The following GAS6 variants were observed in gnomAD, a reference collection of about 807,000 sequenced individuals.
The protein encoded by GAS6 is growth arrest-specific protein 6.
In GAS6, 41 loss-of-function variants were observed where a neutral mutation model predicts 75.8. That is an observed-to-expected ratio of 0.54 (90% confidence interval 0.42 to 0.70). GAS6 has a LOEUF of 0.70. Among genes scored for constraint, GAS6 ranks in the 30% least tolerant of loss-of-function variants. GAS6 has a pLI of 0.00. For synonymous variants in GAS6, 432 were observed against 412.6 expected (o/e 1.05, Z -0.57); for missense variants, 854 against 940.2 (o/e 0.91, Z 1.20).
chr13:113,823,178 C>T (rs1042123101), intron 13 of GAS6, 197 bp downstream of exon 13: 17 of 565,308 alleles, frequency 3.0e-5, no homozygotes, highest in African/African-American at 2.5e-4. Context: ...AGCTGTGTGG[C>T]GGTGACCTGG....
rs992536589 is a variant in GAS6 at position 113,848,559 on chromosome 13, G to C, written c.256-509C>G. 6.6e-6 allele frequency among the ~76,000 whole-genome samples: 1 copy of C among 152,108 alleles called. No homozygotes were observed. The highest frequency in any genetic ancestry group is 2.4e-5 in the African/African-American group (1 of 41,384). Reference sequence around the variant, plus strand: ...CCACATTCGACACAAGTGAGCTGTCGAGTCCTGGAACCACCTGCCTGTCAC... The same window carrying C: ...CCACATTCGACACAAGTGAGCTGTCCAGTCCTGGAACCACCTGCCTGTCAC... On this transcript the variant is annotated intron_variant, in intron 2 of 14. Coordinates refer to ENST00000327773, the MANE Select transcript of GAS6 (RefSeq NM_000820.4). The surrounding 1 kb of genome is among the most constrained non-coding windows in gnomAD (Gnocchi z 4.8).
At chr13:113,846,324 A>C (rs1400303566) in intron 4 of GAS6, among the ~76,000 whole-genome samples, 1 of 152,242 alleles carries the variant, frequency 6.6e-6, no homozygotes, top group African/African-American at 2.4e-5. Flanking sequence ...ATTTTGTTCC[A>C]TGTGCATTTA....
chr13:113,821,921 C>T (rs1436597205), intron 14 of GAS6, 37 bp downstream of exon 14: 1 of 1,470,820 alleles, frequency 6.8e-7, no homozygotes, highest in South Asian at 1.3e-5. Context: ...CTCCCTGGAG[C>T]TCTTCACCCG....
At position 113,835,536 on chromosome 13, in the gene GAS6, C is replaced by T; in HGVS notation, c.689G>A (p.Ser230Asn). 1 of 1,612,618 alleles carries T rather than the reference C, an allele frequency of 6.2e-7. No individual in the cohort carries two copies. Among genetic ancestry groups the T allele is most frequent in the Non-Finnish European group, 8.5e-7 (1 of 1,179,874 alleles). ...ACCTCGGCAAGCCTTCTCCTGGGAGCTGTACGCAAAGCCCTCGTCACAGAG... is the reference window on the plus strand; with the variant it reads ...ACCTCGGCAAGCCTTCTCCTGGGAGTTGTACGCAAAGCCCTCGTCACAGAG... ...SCLCDEGFAYSSQEKACRDVD... is the reference protein window; with the variant it reads ...SCLCDEGFAYNSQEKACRDVD... The change falls in exon 7 of 15, where the codon AGC becomes AAC. Residue 230 changes from serine to asparagine, a missense_variant. Coordinates refer to ENST00000327773, the MANE Select transcript of GAS6 (RefSeq NM_000820.4).
At chr13:113,856,907 A>C (rs1312444283) in intron 2 of GAS6, among the ~76,000 whole-genome samples, 2 of 152,214 alleles carry the variant, frequency 1.3e-5, no homozygotes, top group Non-Finnish European at 2.9e-5. Context: ...GCCTTACTGT[A>C]CTGTGGACAG....
chr13:113,853,460 T>G (rs1175654290), intron 2 of GAS6, among the ~76,000 whole-genome samples: 1 of 152,248 alleles, frequency 6.6e-6, no homozygotes, highest in Non-Finnish European at 1.5e-5. Flanking sequence ...TGCATAAATC[T>G]TTTTGTGTGA....
At chr13:113,834,170 G>A (rs919748643) in intron 8 of GAS6, among the ~76,000 whole-genome samples, 1 of 150,572 alleles carries the variant, frequency 6.6e-6, no homozygotes, top group African/African-American at 2.5e-5. Flanking sequence ...CGGTGTGACA[G>A]GTAGGTCATG....
rs935912797 is a variant in GAS6 at position 113,837,840 on chromosome 13, G to A, written c.589+229C>T. Among the ~76,000 whole-genome samples, 1 of 152,148 alleles carries A rather than the reference G, an allele frequency of 6.6e-6. No individual in the cohort carries two copies. Among genetic ancestry groups the A allele is most frequent in the African/African-American group, 2.4e-5 (1 of 41,434 alleles). Reference sequence around the variant, plus strand: ...GCAGTGTGGCCTCATGGGCTGGGCCGGCCCCCTGAGTCCTGGCCCTCAGAT... The same window carrying A: ...GCAGTGTGGCCTCATGGGCTGGGCCAGCCCCCTGAGTCCTGGCCCTCAGAT... On this transcript the variant is annotated intron_variant, in intron 6 of 14. Coordinates refer to ENST00000327773, the MANE Select transcript of GAS6 (RefSeq NM_000820.4). This position sits in a 1 kb window ranked among gnomAD's most constrained non-coding sequence, Gnocchi z 5.1.
chr13:113,825,415 C>T (rs552388110), intron 12 of GAS6, among the ~76,000 whole-genome samples: 38 of 152,170 alleles, frequency 2.5e-4, no homozygotes, highest in Admixed American at 6.5e-4. Context: ...CCAGCAGAGT[C>T]GCTGCAGAGT....
chr13:113,842,850 T>C, intron 4 of GAS6: 1 of 396,972 alleles, frequency 2.5e-6, no homozygotes, highest in Non-Finnish European at 4.4e-6. Context: ...GGTCTTGACT[T>C]TGCCTGGAAT....
intron 2 of GAS6, among the ~76,000 whole-genome samples, chr13:113,850,514 G>A (rs1051105770): frequency 6.6e-6 from 1 of 152,246 alleles, no homozygotes; most frequent in South Asian, 2.1e-4. Flanking sequence ...CTTTCCCCGG[G>A]GATCTGCTTC....
Position 113,820,789 on chromosome 13 carries a change from C to A in GAS6, c.*75G>T. 1 of 1,493,156 alleles carries A rather than the reference C, an allele frequency of 6.7e-7. No individual in the cohort carries two copies. Among genetic ancestry groups the A allele is most frequent in the Admixed American group, 2.0e-5 (1 of 50,866 alleles). The allele number at this position is 1,493,156 out of a possible 1,614,324, so 92.5% of individuals were successfully genotyped here. On this transcript the variant is annotated 3_prime_UTR_variant, in exon 15 of 15. Coordinates refer to ENST00000327773, the MANE Select transcript of GAS6 (RefSeq NM_000820.4). ...AAGCCCAGCTCTCAGCATGGCCCCA[C>A]GTGGTGAGGAGCCCCCAGGCTCCTC...
chr13:113,839,578 G>A lies in GAS6; in HGVS notation c.466+150C>T, dbSNP rs374463990. The A allele has an allele frequency of 1.1e-4, 110 of 963,002 alleles. No individual in the cohort carries two copies. In the African/African-American group the frequency reaches 1.7e-3, roughly 15 times the overall value. The allele number at this position is 963,002 out of a possible 1,614,324, so 59.7% of individuals were successfully genotyped here. A position where few individuals can be genotyped will look rare whatever the true frequency, so the allele number is the denominator to read the frequency against. ...CTGCAGCTCCTCCCAATTCTCCTGGGGCTCCAGGATACCTCAGGGCTGCAG... is the reference window on the plus strand; with the variant it reads ...CTGCAGCTCCTCCCAATTCTCCTGGAGCTCCAGGATACCTCAGGGCTGCAG... On this transcript the variant is annotated intron_variant, in intron 5 of 14. Transcript: ENST00000327773.
Position 113,863,763 on chromosome 13 carries a change from G to T in GAS6, c.89-22C>A. 1 of 1,470,078 alleles carries T rather than the reference G, an allele frequency of 6.8e-7. No individual in the cohort carries two copies. Among genetic ancestry groups the T allele is most frequent in the Non-Finnish European group, 8.9e-7 (1 of 1,118,396 alleles). The allele number at this position is 1,470,078 out of a possible 1,614,324, so 91.1% of individuals were successfully genotyped here. A position where few individuals can be genotyped will look rare whatever the true frequency, so the allele number is the denominator to read the frequency against. On this transcript the variant is annotated intron_variant, in intron 1 of 14. Transcript: ENST00000327773. This position sits in a 1 kb window ranked among gnomAD's most constrained non-coding sequence, Gnocchi z 9.4. Reference sequence around the variant, plus strand: ...GCGGCTGCCCGGAGGGAGAGAGGGGGACGCGTCAAGCCGCGCCCGGAGCCT... The same window carrying T: ...GCGGCTGCCCGGAGGGAGAGAGGGGTACGCGTCAAGCCGCGCCCGGAGCCT...
intron 2 of GAS6, among the ~76,000 whole-genome samples, chr13:113,860,958 C>T (rs760940957): frequency 7.9e-5 from 12 of 152,008 alleles, no homozygotes; most frequent in East Asian, 1.9e-4. Flanking sequence ...CAGTGGGACA[C>T]GCTTCAGGCA....
chr13:113,825,878 G>A (rs1047505422), intron 12 of GAS6, among the ~76,000 whole-genome samples: 3 of 152,164 alleles, frequency 2.0e-5, no homozygotes, highest in Non-Finnish European at 2.9e-5. Context: ...CCTTTGCTCC[G>A]CGTGGATCCC....
intron 10 of GAS6, among the ~76,000 whole-genome samples, chr13:113,830,014 C>CA (rs2051610502): frequency 6.6e-6 from 1 of 152,266 alleles, no homozygotes; most frequent in African/African-American, 2.4e-5. Context: ...GTCCCAACCT[C>CA]AGAGAGTCCC....
intron 2 of GAS6, among the ~76,000 whole-genome samples, chr13:113,849,999 A>G (rs2138658184): frequency 6.6e-6 from 1 of 152,364 alleles, no homozygotes; most frequent in South Asian, 2.1e-4. Context: ...TCCTGAGAAC[A>G]TTCTGGTACA....
In GAS6 at chr13:113,823,505, T is replaced by C. The variant is rs2051489042; in HGVS notation, c.1523A>G (p.Glu508Gly). 1 of 1,612,558 alleles carries C rather than the reference T, an allele frequency of 6.2e-7. No individual in the cohort carries two copies. Residue 508 changes from glutamate (E) to glycine (G), a missense_variant, in exon 13 of 15, where the codon GAA becomes GGA. Physicochemically the swap from Glu to Gly is moderately conservative, Grantham distance 98. Transcript: ENST00000327773. ...GGCTGGGCGGATGTGAGCCACGACT[T>C]CTACTTCCCAGGTTGATTCAGTCCC... ...DVGTESTWEV[E>G]VVAHIRPAAD...
Sources: allele counts gnomAD v4.1 joint callset (sites outside exome capture counted in the v4.1 genomes callset), GRCh38; gene constraint gnomAD v4.1.1; non-coding constraint Gnocchi (gnomAD v3.1); transcripts MANE v1.5; gene names NCBI Gene and HGNC (gene_info 2026-07-23, HGNC 2026-07-21).